Variants in RERE observed in about 807,000 individuals in gnomAD.
RERE encodes arginine-glutamic acid dipeptide repeats protein.
In RERE, 40 loss-of-function variants were observed where a neutral mutation model predicts 146.1. The ratio of observed to expected loss-of-function variants is 0.27; its 90% CI spans 0.21 to 0.36. The LOEUF (loss-of-function observed/expected upper bound fraction) is 0.36, where lower values mean the gene tolerates loss of function less well. Among genes scored for constraint, RERE ranks in the 10% least tolerant of loss-of-function variants. The probability of loss-of-function intolerance (pLI) is 1.00; values close to 1 mark genes in which losing one functional copy is unlikely to be tolerated. For synonymous variants in RERE, 1,003 were observed against 866.0 expected (o/e 1.16, Z -2.78); for missense variants, 1,933 against 2,138.7 (o/e 0.90, Z 1.90).
At chr1:8,530,226 G>T (rs896360069) in intron 7 of RERE, among the ~76,000 whole-genome samples, 1 of 152,120 alleles carries the variant, frequency 6.6e-6, no homozygotes, top group African/African-American at 2.4e-5. Context: ...TGAACAACAG[G>T]TGTAGGATTA....
At chr1:8,458,421 A>G (rs543173547) in intron 11 of RERE, among the ~76,000 whole-genome samples, 2 of 152,178 alleles carry the variant, frequency 1.3e-5, no homozygotes, top group Non-Finnish European at 2.9e-5. Context: ...CCGCTCAAGC[A>G]AAAATGAAAA....
chr1:8,765,785 C>T (rs1442099459), intron 1 of RERE, among the ~76,000 whole-genome samples: 2 of 152,216 alleles, frequency 1.3e-5, no homozygotes, highest in Non-Finnish European at 2.9e-5. Flanking sequence ...AACCCCGTCT[C>T]TACTAAAAAT....
chr1:8,568,767 A>C (rs1646182539), intron 4 of RERE, among the ~76,000 whole-genome samples: 1 of 152,172 alleles, frequency 6.6e-6, no homozygotes, highest in African/African-American at 2.4e-5. Flanking sequence ...AGACATGGCT[A>C]TCATGGGACT....
chr1:8,362,201 G>T (rs1641606561), intron 16 of RERE, among the ~76,000 whole-genome samples: 1 of 152,210 alleles, frequency 6.6e-6, no homozygotes. Context: ...ACTAGACAGT[G>T]GAACCACTGT....
intron 7 of RERE, among the ~76,000 whole-genome samples, chr1:8,520,045 T>G (rs1435342932): frequency 6.6e-6 from 1 of 152,030 alleles, no homozygotes; most frequent in Admixed American, 6.6e-5. Context: ...AGGAACAAAA[T>G]TCATTATTCA....
chr1:8,689,562 A>C (rs1639162066), intron 1 of RERE, among the ~76,000 whole-genome samples: 1 of 152,196 alleles, frequency 6.6e-6, no homozygotes, highest in Admixed American at 6.5e-5. Context: ...CAGGCCAAGG[A>C]ATTCATATTT....
At chr1:8,628,696 T>C (rs1647001854) in intron 2 of RERE, among the ~76,000 whole-genome samples, 1 of 152,222 alleles carries the variant, frequency 6.6e-6, no homozygotes, top group African/African-American at 2.4e-5. Context: ...TAAATGTTTA[T>C]AGCACAAAAA....
At chr1:8,773,271 G>A (rs191941381) in intron 1 of RERE, among the ~76,000 whole-genome samples, 5 of 152,278 alleles carry the variant, frequency 3.3e-5, no homozygotes, top group Non-Finnish European at 5.9e-5. Flanking sequence ...CAAAACATCT[G>A]TCTAAATAGA....
At chr1:8,494,960 G>C in intron 10 of RERE, 103 bp downstream of exon 10, 1 of 831,544 alleles carries the variant, frequency 1.2e-6, no homozygotes, top group Non-Finnish European at 2.1e-6. Flanking sequence ...TCACTCCTGA[G>C]TCTACAGGCG....
intron 1 of RERE, among the ~76,000 whole-genome samples, chr1:8,717,263 G>C (rs1386828499): frequency 6.6e-6 from 1 of 152,174 alleles, no homozygotes; most frequent in Non-Finnish European, 1.5e-5. Flanking sequence ...ATAAGGGAAA[G>C]GAAAATCAAG....
At chr1:8,698,019 G>A (rs1278848240) in intron 1 of RERE, among the ~76,000 whole-genome samples, 1 of 152,136 alleles carries the variant, frequency 6.6e-6, no homozygotes, top group Non-Finnish European at 1.5e-5. Context: ...AACATTTTAA[G>A]TGAAAGCAAG....
chr1:8,591,064 T>C (rs1646486767), intron 4 of RERE, among the ~76,000 whole-genome samples: 1 of 152,178 alleles, frequency 6.6e-6, no homozygotes, highest in African/African-American at 2.4e-5. Flanking sequence ...GTGTTCACTA[T>C]AAAGAGGAAA....
At chr1:8,583,324 A>C (rs192868201) in intron 4 of RERE, among the ~76,000 whole-genome samples, 92 of 152,354 alleles carry the variant, frequency 6.0e-4, no homozygotes, top group African/African-American at 2.1e-3. Context: ...AAATATAAGC[A>C]GGTTGGAAGG....
At chr1:8,553,365 C>A (rs1047057145) in intron 6 of RERE, among the ~76,000 whole-genome samples, 3 of 150,646 alleles carry the variant, frequency 2.0e-5, no homozygotes, top group Admixed American at 6.6e-5. Context: ...CACACACACA[C>A]GTAAAATTGC....
At chr1:8,812,295 G>A (rs1202545777) in intron 1 of RERE, among the ~76,000 whole-genome samples, 1 of 152,126 alleles carries the variant, frequency 6.6e-6, no homozygotes, top group Admixed American at 6.5e-5. Flanking sequence ...ACCATATAAG[G>A]AAAATTTTCA....
At chr1:8,490,795 G>A (rs1159473080) in intron 10 of RERE, among the ~76,000 whole-genome samples, 1 of 150,442 alleles carries the variant, frequency 6.6e-6, no homozygotes, top group Non-Finnish European at 1.5e-5. Context: ...ATCTGAGGCT[G>A]GAAGCAGAAA....
intron 6 of RERE, among the ~76,000 whole-genome samples, chr1:8,546,458 T>C (rs968244543): frequency 6.6e-5 from 10 of 151,920 alleles, no homozygotes; most frequent in African/African-American, 2.4e-4. Context: ...ATCGGAATGA[T>C]TTTTTTTCTG....
chr1:8,378,583 G>A (rs1342790244), intron 12 of RERE, among the ~76,000 whole-genome samples: 2 of 152,206 alleles, frequency 1.3e-5, no homozygotes, highest in Non-Finnish European at 2.9e-5. Context: ...ACCCACAGAA[G>A]GAAGACCACG....
Position 8,678,592 on chromosome 1 carries a change from C to T in RERE, c.-144-22151G>A, listed in dbSNP as rs568584104. 7.6e-3 allele frequency among the ~76,000 whole-genome samples: 1,143 copies of T among 150,266 alleles called. 5 individuals carry two copies. Among genetic ancestry groups the T allele is most frequent in the Non-Finnish European group, 0.012 (797 of 67,654 alleles). ...AACCGAATCGATTGAACCTGGGAGG[C>T]GGAGGTTGCAGGGAGGCGGAGGTTG... On this transcript the variant is annotated intron_variant, in intron 1 of 22. Transcript: ENST00000400908.
Sources: gnomAD v4.1 joint callset for allele counts (sites outside exome capture counted in the v4.1 genomes callset) on GRCh38, gnomAD v4.1.1 for gene constraint, MANE v1.5 for transcripts, NCBI Gene and HGNC (gene_info 2026-07-23, HGNC 2026-07-21) for gene names.